Variants in CTNNA3 observed in about 807,000 individuals in gnomAD.
The protein encoded by CTNNA3 is catenin alpha-3.
In CTNNA3, 76 loss-of-function variants were observed where a neutral mutation model predicts 95.7. That is an observed-to-expected ratio of 0.79 (90% CI 0.66 to 0.96). The LOEUF (loss-of-function observed/expected upper bound fraction) is 0.96, where lower values mean the gene tolerates loss of function less well. CTNNA3 is among the 40% of genes least tolerant of loss of function. The probability of loss-of-function intolerance (pLI) is 0.00; values close to 1 mark genes in which losing one functional copy is unlikely to be tolerated. For missense variants in CTNNA3, 1,191 were observed against 1,089.8 expected (o/e 1.09, Z -1.31); for synonymous variants, 431 against 374.4 (o/e 1.15, Z -1.74).
chr10:67,034,486 C>T (rs1428742714), intron 7 of CTNNA3, among the ~76,000 whole-genome samples: 1 of 152,170 alleles, frequency 6.6e-6, no homozygotes, highest in Non-Finnish European at 1.5e-5. Flanking sequence ...TCTCTAGTGT[C>T]TTAGGCTCTC....
intron 7 of CTNNA3, chr10:66,928,493 A>T (rs1564773283): frequency 1.3e-6 from 2 of 1,529,768 alleles, no homozygotes; most frequent in Non-Finnish European, 1.8e-6. Flanking sequence ...AAAAGCTGGG[A>T]AATAAGTGGT....
intron 12 of CTNNA3, among the ~76,000 whole-genome samples, chr10:66,333,620 A>G (rs2092358169): frequency 6.6e-6 from 1 of 151,916 alleles, no homozygotes. Context: ...CTGTTCTTTT[A>G]CATTTGCTGA....
chr10:66,408,482 A>G (rs2093075194), intron 11 of CTNNA3, among the ~76,000 whole-genome samples: 1 of 152,172 alleles, frequency 6.6e-6, no homozygotes, highest in Admixed American at 6.5e-5. Flanking sequence ...TGTTAAAATT[A>G]TAAAGTAGAC....
At chr10:66,481,434 C>G (rs1839521239) in intron 11 of CTNNA3, among the ~76,000 whole-genome samples, 1 of 135,652 alleles carries the variant, frequency 7.4e-6, no homozygotes, top group Non-Finnish European at 1.6e-5. Flanking sequence ...TATACAGAAA[C>G]AAAGCAAAAA....
At chr10:67,194,348 G>A (rs1223546274) in intron 6 of CTNNA3, among the ~76,000 whole-genome samples, 1 of 151,946 alleles carries the variant, frequency 6.6e-6, no homozygotes, top group African/African-American at 2.4e-5. Flanking sequence ...ATAAACTGTG[G>A]TACATCCAGA....
At chr10:66,691,797 G>C (rs74598879) in intron 9 of CTNNA3, among the ~76,000 whole-genome samples, 1 of 152,102 alleles carries the variant, frequency 6.6e-6, no homozygotes, top group Admixed American at 6.6e-5. Context: ...CAGCATTCGC[G>C]GTTCACAAAA....
At chr10:67,670,693 T>G (rs1307771441) in intron 1 of CTNNA3, among the ~76,000 whole-genome samples, 1 of 152,200 alleles carries the variant, frequency 6.6e-6, no homozygotes, top group Admixed American at 6.5e-5. Context: ...CAATCAATCA[T>G]GGTCCTAACT....
intron 5 of CTNNA3, among the ~76,000 whole-genome samples, chr10:67,235,824 A>G (rs1241269329): frequency 2.8e-5 from 4 of 142,420 alleles, no homozygotes; most frequent in Non-Finnish European, 4.5e-5. Flanking sequence ...ACAAGAAAAA[A>G]ACAACCCCAT....
chr10:66,894,546 A>G (rs1845399729), intron 7 of CTNNA3, among the ~76,000 whole-genome samples: 1 of 152,158 alleles, frequency 6.6e-6, no homozygotes, highest in Non-Finnish European at 1.5e-5. Flanking sequence ...AATAAGGGCA[A>G]CTTAATATAG....
At chr10:66,277,084 T>A (rs566764521) in intron 13 of CTNNA3, among the ~76,000 whole-genome samples, 1 of 152,222 alleles carries the variant, frequency 6.6e-6, no homozygotes, top group Non-Finnish European at 1.5e-5. Flanking sequence ...ACCTCACTTG[T>A]CTACACACTG....
chr10:66,390,677 T>C (rs2092927439), intron 11 of CTNNA3, among the ~76,000 whole-genome samples: 2 of 152,136 alleles, frequency 1.3e-5, no homozygotes, highest in Admixed American at 6.6e-5. Flanking sequence ...TTACCCAACA[T>C]ACATGAAACT....
At chr10:66,688,490 G>A (rs1847383386) in intron 9 of CTNNA3, among the ~76,000 whole-genome samples, 1 of 152,004 alleles carries the variant, frequency 6.6e-6, no homozygotes, top group South Asian at 2.1e-4. Flanking sequence ...CTTCTCCTCA[G>A]TTAGGTCAAA....
At chr10:66,057,376 A>G (rs926538508) in intron 15 of CTNNA3, among the ~76,000 whole-genome samples, 6 of 152,222 alleles carry the variant, frequency 3.9e-5, no homozygotes, top group Non-Finnish European at 8.8e-5. Flanking sequence ...CAAATTTACT[A>G]CAGAGTTTAG....
chr10:66,493,843 G>C (rs565616655), intron 11 of CTNNA3, among the ~76,000 whole-genome samples: 181 of 148,390 alleles, frequency 1.2e-3, no homozygotes, highest in Non-Finnish European at 2.0e-3. Flanking sequence ...CTGACCTCGT[G>C]ATCCACCCGC....
At chr10:66,685,530 G>A (rs1413127850) in intron 9 of CTNNA3, among the ~76,000 whole-genome samples, 5 of 149,020 alleles carry the variant, frequency 3.4e-5, no homozygotes, top group Admixed American at 2.0e-4. Flanking sequence ...CCGCCACCAC[G>A]CCCGGCTAAC....
chr10:66,008,414 T>A (rs1480633160), intron 15 of CTNNA3, among the ~76,000 whole-genome samples: 10 of 152,212 alleles, frequency 6.6e-5, no homozygotes, highest in African/African-American at 9.6e-5. Context: ...TTCCATGGGA[T>A]CAGTTCCAAG....
At chr10:66,510,055 T>C (rs1840601811) in intron 11 of CTNNA3, among the ~76,000 whole-genome samples, 1 of 151,860 alleles carries the variant, frequency 6.6e-6, no homozygotes, top group South Asian at 2.1e-4. Flanking sequence ...CAATTTCTTT[T>C]TATCCTCTTC....
intron 9 of CTNNA3, among the ~76,000 whole-genome samples, chr10:66,667,731 C>CT (rs1412752849): frequency 1.3e-5 from 2 of 152,042 alleles, no homozygotes; most frequent in African/African-American, 2.4e-5. Flanking sequence ...TTTATCTATA[C>CT]TTAAGAGGTT....
chr10:67,536,051 T>C (rs1416951310), intron 4 of CTNNA3, among the ~76,000 whole-genome samples: 5 of 151,992 alleles, frequency 3.3e-5, no homozygotes, highest in Non-Finnish European at 7.4e-5. Context: ...ACAGTTCTGC[T>C]CACCATGTCG....
Sources: allele counts gnomAD v4.1 joint callset (sites outside exome capture counted in the v4.1 genomes callset), GRCh38; gene constraint gnomAD v4.1.1; transcripts MANE v1.5; gene names NCBI Gene and HGNC (gene_info 2026-07-23, HGNC 2026-07-21).